The following KNDC1 variants were observed in gnomAD, a reference collection of about 807,000 sequenced individuals.
KNDC1 encodes kinase non-catalytic C-lobe domain containing 1, also known as kinase non-catalytic C-lobe domain-containing protein 1.
A neutral mutation model predicts 172.8 loss-of-function variants in KNDC1; 106 were observed. The ratio of observed to expected loss-of-function variants is 0.61; its 90% confidence interval spans 0.52 to 0.72. KNDC1 has a LOEUF of 0.72. KNDC1 is among the 30% of genes least tolerant of loss of function. KNDC1 has a pLI of 0.00. For missense variants in KNDC1, 2,325 were observed against 2,394.5 expected (o/e 0.97, Z 0.61); for synonymous variants, 1,083 against 1,062.2 (o/e 1.02, Z -0.38).
chr10:133,217,708 C>A (rs996191713), intron 26 of KNDC1, among the ~76,000 whole-genome samples: 5 of 152,084 alleles, frequency 3.3e-5, no homozygotes, highest in Non-Finnish European at 5.9e-5. Context: ...GCTGTGATCC[C>A]AGCACTTTGG....
chr10:133,182,129 C>G (rs1320185877), intron 3 of KNDC1, among the ~76,000 whole-genome samples: 1 of 152,098 alleles, frequency 6.6e-6, no homozygotes, highest in Non-Finnish European at 1.5e-5. Flanking sequence ...GGGGAGTCGG[C>G]CAGGATGACC....
chr10:133,198,659 G>A lies in KNDC1; in HGVS notation c.2151G>A (p.Leu717=), dbSNP rs1448292205. The A allele has an allele frequency of 8.1e-6, 13 of 1,597,978 alleles. No individual in the cohort carries two copies. Among genetic ancestry groups the A allele is most frequent in the South Asian group, 1.1e-5 (1 of 88,802 alleles). ...REGEGEEKLS[L]EAHAGSPSLK... ...GAGAAGGTGAGGAGAAGCTCTCCCTGGAGGCCCACGCTGGGTCCCCCAGCC... is the reference window on the plus strand; with the variant it reads ...GAGAAGGTGAGGAGAAGCTCTCCCTAGAGGCCCACGCTGGGTCCCCCAGCC... The change falls in exon 14 of 30, where the codon CTG becomes CTA. Residue 717 remains leucine (L), a synonymous_variant. Transcript: ENST00000304613.
At chr10:133,180,370 G>T (rs1382885221) in intron 3 of KNDC1, among the ~76,000 whole-genome samples, 1 of 152,138 alleles carries the variant, frequency 6.6e-6, no homozygotes, top group Non-Finnish European at 1.5e-5. Context: ...GGGGCCCCTC[G>T]CCCGCGGCCA....
Position 133,211,703 on chromosome 10 carries a change from A to G in KNDC1, c.4081A>G (p.Lys1361Glu), listed in dbSNP as rs757207303. ...GATCCTACCCCTGGACGGCTCTGCC[A>G]AGCACCTGCTGGGCCTCCTGGAGGT... ...SKILPLDGSA[K>E]HLLGLLEVGM... is the part of the protein sequence containing the mutation. The change falls in exon 23 of 30, where the codon AAG becomes GAG. Residue 1361 changes from lysine (K) to glutamate (E), a missense_variant. Coordinates refer to ENST00000304613, the MANE Select transcript of KNDC1 (RefSeq NM_152643.8). 6.2e-7 allele frequency: 1 copy of G among 1,604,152 alleles called. No homozygotes were observed. Among genetic ancestry groups the G allele is most frequent in the Middle Eastern group, 1.7e-4 (1 of 5,994 alleles).
chr10:133,224,794 C>G lies in KNDC1; in HGVS notation c.5154C>G (p.Ala1718=). The G allele has an allele frequency of 1.2e-6, 2 of 1,614,128 alleles. No homozygotes were observed. Among genetic ancestry groups the G allele is most frequent in the Non-Finnish European group, 1.7e-6 (2 of 1,180,032 alleles). ...RFSGADISTL[A]ADSRANFHQV... is the part of the protein sequence containing the mutation. Reference sequence around the variant, plus strand: ...GCGGTGCCGACATTTCCACACTCGCCGCAGATAGCAGGGCCAACTTCCACC... The same window carrying G: ...GCGGTGCCGACATTTCCACACTCGCGGCAGATAGCAGGGCCAACTTCCACC... Residue 1718 remains alanine (A), a synonymous_variant, in exon 30 of 30, where the codon GCC becomes GCG. Coordinates refer to ENST00000304613, the MANE Select transcript of KNDC1 (RefSeq NM_152643.8). The surrounding 1 kb of genome is among the most constrained non-coding windows in gnomAD (Gnocchi z 5.4).
intron 5 of KNDC1, among the ~76,000 whole-genome samples, chr10:133,185,429 G>GTGTGTGCAGTGTAGAGTAGGCAC (rs1853868129): frequency 2.4e-5 from 2 of 85,030 alleles, no homozygotes; most frequent in Admixed American, 1.3e-4. Flanking sequence ...GGAGTAGGCA[G>GTGTGTGCAGTGTAGAGTAGGCAC]TGTGTGCAGT....
In KNDC1 at chr10:133,209,982, C is replaced by T. The variant is rs548253523; in HGVS notation, c.3795-629C>T. ...CCAGTGAAGACCCAGAACCTTTGAG[C>T]GTGCAGCATTGCGCCCGGTCCCGAG... On this transcript the variant is annotated intron_variant, in intron 20 of 29. Coordinates refer to ENST00000304613, the MANE Select transcript of KNDC1 (RefSeq NM_152643.8). The surrounding 1 kb of genome is among the most constrained non-coding windows in gnomAD (Gnocchi z 4.9). 6.6e-6 allele frequency among the ~76,000 whole-genome samples: 1 copy of T among 152,130 alleles called. No individual in the cohort carries two copies. Among genetic ancestry groups the T allele is most frequent in the Non-Finnish European group, 1.5e-5 (1 of 68,008 alleles).
chr10:133,209,351 AGT>A lies in KNDC1; in HGVS notation c.3795-1254_3795-1253del, dbSNP rs902933474. ...GTGTGTGCTGTGCGGTGTGGGGTAT[AGT>A]GTGTGCACATGTGGTGTGAGGTATA... On this transcript the variant is annotated intron_variant, in intron 20 of 29. Coordinates refer to ENST00000304613, the MANE Select transcript of KNDC1 (RefSeq NM_152643.8). This position sits in a 1 kb window ranked among gnomAD's most constrained non-coding sequence, Gnocchi z 4.9. Among the ~76,000 whole-genome samples, 93 of 146,440 alleles carry A rather than the reference AGT, an allele frequency of 6.4e-4. 1 individual carries two copies. Among genetic ancestry groups the A allele is most frequent in the African/African-American group, 2.4e-3 (93 of 38,856 alleles).
In KNDC1 at chr10:133,206,676, C is replaced by T. The variant is rs765540269; in HGVS notation, c.3388-9C>T. On this transcript the variant is annotated splice_polypyrimidine_tract_variant and intron_variant, in intron 17 of 29. Transcript: ENST00000304613. ...TGCCTGGGGCTTAGGCGCTGTGTTT[C>T]GTCCCCAGGAGCTGGAACAGCAGCT... 1.2e-5 allele frequency: 19 copies of T among 1,612,770 alleles called. No homozygotes were observed. Among genetic ancestry groups the T allele is most frequent in the South Asian group, 2.2e-5 (2 of 91,046 alleles).
At chr10:133,219,001 G>A (rs200696190) in intron 27 of KNDC1, 30 bp from the exon 28 acceptor site, 16 of 1,613,812 alleles carry the variant, frequency 9.9e-6, no homozygotes, top group African/African-American at 8.0e-5. Context: ...CCGCACGGCC[G>A]CAGGAGGCTC....
Position 133,160,584 on chromosome 10 carries a change from C to T in KNDC1, c.102+15C>T. Reference sequence around the variant, plus strand: ...CCGAGGACGAGGTGAGCCCCCGGCCCCACTGGGGGGCCCCTTCCGCCGCCG... The same window carrying T: ...CCGAGGACGAGGTGAGCCCCCGGCCTCACTGGGGGGCCCCTTCCGCCGCCG... On this transcript the variant is annotated intron_variant, in intron 1 of 29. Transcript: ENST00000304613. 1.9e-6 allele frequency: 3 copies of T among 1,541,310 alleles called. No individual in the cohort carries two copies. The highest frequency in any genetic ancestry group is 2.6e-6 in the Non-Finnish European group (3 of 1,139,570).
In KNDC1 at chr10:133,207,233, CT is replaced by C. The variant is rs780056303; in HGVS notation, c.3677del (p.Leu1226ArgfsTer76). ...CTGCGACACGCTGGACTTCAGCCCC[CT>C]GGACGAGTCCTCCTCGCTCATCTTC... ...APCDTLDFSPLDESSSLIFYN... is the reference protein window; with the variant it reads ...APCDTLDFSPXDESSSLIFYN... On this transcript the variant is annotated frameshift_variant, in exon 20 of 30. Transcript: ENST00000304613. LOFTEE classifies it high-confidence loss of function. 3.7e-6 allele frequency: 6 copies of C among 1,612,912 alleles called. No homozygotes were observed. The highest frequency in any genetic ancestry group is 1.3e-5 in the African/African-American group (1 of 75,074).
intron 5 of KNDC1, among the ~76,000 whole-genome samples, chr10:133,185,032 G>C: frequency 6.6e-6 from 1 of 152,296 alleles, no homozygotes; most frequent in East Asian, 1.9e-4. Context: ...CCTGCAGCAC[G>C]GAGCCCCGTG....
At chr10:133,211,897 C>T (rs1166576447) in intron 23 of KNDC1, 39 bp downstream of exon 23, 3 of 1,566,766 alleles carry the variant, frequency 1.9e-6, no homozygotes, top group African/African-American at 1.4e-5. Context: ...CCTGGACAGG[C>T]GGATGTGGGT....
At position 133,186,713 on chromosome 10, in the gene KNDC1, C is replaced by T. The variant is rs563461634; in HGVS notation, c.1326+39C>T. The T allele has an allele frequency of 3.1e-5, 46 of 1,473,076 alleles. 1 individual carries two copies. The highest frequency in any genetic ancestry group is 2.6e-4 in the Admixed American group (12 of 46,408). 91.3% of individuals were successfully genotyped at this position (1,473,076 alleles called of 1,614,324 possible). ...TCTTGTGTGTGGGTGGAGGGGTCGG[C>T]GGTCAGTGAGTCCGGGGCCGGGCCT... is the stretch of plus-strand genomic sequence containing the variant. On this transcript the variant is annotated intron_variant, in intron 6 of 29. Coordinates refer to ENST00000304613, the MANE Select transcript of KNDC1 (RefSeq NM_152643.8).
intron 5 of KNDC1, 43 bp downstream of exon 5, chr10:133,184,032 A>C (rs1370037628): frequency 8.7e-7 from 1 of 1,145,682 alleles, no homozygotes. Flanking sequence ...ATGCACATAT[A>C]CCTGTGTGCC....
intron 20 of KNDC1, among the ~76,000 whole-genome samples, chr10:133,208,139 C>T (rs1230571873): frequency 1.3e-5 from 2 of 152,164 alleles, no homozygotes; most frequent in South Asian, 2.1e-4. Flanking sequence ...CAGCAAAGGA[C>T]GCCAAGGAGG....
intron 12 of KNDC1, 73 bp downstream of exon 12, chr10:133,197,841 T>C (rs1854237978): frequency 8.5e-7 from 1 of 1,178,816 alleles, no homozygotes; most frequent in African/African-American, 1.5e-5. Context: ...CACCTCTGCA[T>C]GGACAGACAC....
intron 1 of KNDC1, among the ~76,000 whole-genome samples, chr10:133,166,099 C>T (rs1853142158): frequency 6.6e-6 from 1 of 152,218 alleles, no homozygotes; most frequent in African/African-American, 2.4e-5. Context: ...CCTGGGGGGC[C>T]TCTTGCAGTG....
Sources: allele counts gnomAD v4.1 joint callset (sites outside exome capture counted in the v4.1 genomes callset), GRCh38; gene constraint gnomAD v4.1.1; non-coding constraint Gnocchi (gnomAD v3.1); transcripts MANE v1.5; gene names NCBI Gene and HGNC (gene_info 2026-07-23, HGNC 2026-07-21).